Variants in TECR observed in about 807,000 individuals in gnomAD.
The protein encoded by TECR is very-long-chain enoyl-CoA reductase.
Under a neutral mutation model 50.6 loss-of-function variants are expected in TECR, and 19 were observed. That is an observed-to-expected ratio of 0.38 (90% CI 0.26 to 0.55). TECR has a LOEUF of 0.55. Among genes scored for constraint, TECR ranks in the 20% least tolerant of loss-of-function variants. The probability of loss-of-function intolerance (pLI) is 0.79; values close to 1 mark genes in which losing one functional copy is unlikely to be tolerated. For missense variants in TECR, 313 were observed against 408.3 expected, an observed-to-expected ratio of 0.77 and a Z score of 2.01; for synonymous variants, 168 against 163.5, an observed-to-expected ratio of 1.03 and a Z score of -0.21.
At chr19:14,543,677 A>T (rs537410550) in intron 1 of TECR, among the ~76,000 whole-genome samples, 11 of 148,664 alleles carry the variant, frequency 7.4e-5, no homozygotes, top group African/African-American at 2.7e-4. Context: ...TGACCTCGTG[A>T]TCCTCCCGCC....
At chr19:14,545,250 C>G in intron 1 of TECR, 3 of 455,656 alleles carry the variant, frequency 6.6e-6, no homozygotes, top group Non-Finnish European at 1.3e-5. Context: ...AAAATTTACT[C>G]TGTTCCAGCC....
chr19:14,555,056 C>T lies in TECR; in HGVS notation c.16-7469C>T, dbSNP rs376924177. ...CCTCCCAGAGTGCTGGGATTACAGG[C>T]GTGAGCCACTGCGCCTGGCCTTGTT... On this transcript the variant is annotated intron_variant, in intron 1 of 12. Transcript: ENST00000215567. 5.4e-4 allele frequency among the ~76,000 whole-genome samples: 81 copies of T among 151,302 alleles called. 2 individuals carry two copies. Among genetic ancestry groups the T allele is most frequent in the African/African-American group, 1.8e-3 (73 of 41,300 alleles).
At chr19:14,542,294 C>T (rs980383656) in intron 1 of TECR, among the ~76,000 whole-genome samples, 7 of 147,306 alleles carry the variant, frequency 4.8e-5, no homozygotes, top group Non-Finnish European at 9.0e-5. Context: ...TAAAAGATTC[C>T]CTATTGGAGG....
At chr19:14,544,225 C>T (rs1332051604) in intron 1 of TECR, among the ~76,000 whole-genome samples, 1 of 151,866 alleles carries the variant, frequency 6.6e-6, no homozygotes, top group Non-Finnish European at 1.5e-5. Context: ...CCACACTCAT[C>T]ACCTTGTCAC....
At position 14,545,486 on chromosome 19, in the gene TECR, C is replaced by T. The variant is rs576273182; in HGVS notation, c.15+15775C>T. On this transcript the variant is annotated intron_variant, in intron 1 of 12. Coordinates refer to ENST00000215567, the MANE Select transcript of TECR (RefSeq NM_138501.6). ...GTAATAGGTGCTTTGTTCATGTCCC[C>T]TTGAGCACCAGCAAGCCTAGGGGGT... 3.3e-5 allele frequency among the ~76,000 whole-genome samples: 5 copies of T among 152,324 alleles called. No individual in the cohort carries two copies. In the South Asian group the frequency reaches 8.3e-4, roughly 25 times the overall value.
intron 1 of TECR, among the ~76,000 whole-genome samples, chr19:14,556,072 C>T (rs558956746): frequency 4.2e-4 from 64 of 152,298 alleles, no homozygotes; most frequent in Admixed American, 3.2e-3. Flanking sequence ...TAAAAGCTAA[C>T]GTCCTCCCCG....
chr19:14,547,011 A>G (rs956806906), intron 1 of TECR, among the ~76,000 whole-genome samples: 2 of 152,206 alleles, frequency 1.3e-5, no homozygotes, highest in African/African-American at 4.8e-5. Context: ...TTAAATTTCA[A>G]TTTGATCAAC....
intron 1 of TECR, among the ~76,000 whole-genome samples, chr19:14,543,278 A>G (rs1228958274): frequency 1.8e-5 from 2 of 108,832 alleles, no homozygotes; most frequent in African/African-American, 3.5e-5. Context: ...GTGGGGTTGG[A>G]GGATTGCAGA....
Position 14,529,677 on chromosome 19 carries a change from A to G in TECR, c.-20A>G, listed in dbSNP as rs1031933221. 8.1e-6 allele frequency: 13 copies of G among 1,613,808 alleles called. No homozygotes were observed. Among genetic ancestry groups the G allele is most frequent in the Non-Finnish European group, 1.0e-5 (12 of 1,180,028 alleles). On this transcript the variant is annotated 5_prime_UTR_variant, in exon 1 of 13. Transcript: ENST00000215567. ...TAGGCAGCAGCAGCCGCGGAGCAGTAGCCGCCGTGGGAGGGAGCCATGAAG... is the reference window on the plus strand; with the variant it reads ...TAGGCAGCAGCAGCCGCGGAGCAGTGGCCGCCGTGGGAGGGAGCCATGAAG...
chr19:14,541,405 A>G (rs1260038774), intron 1 of TECR, among the ~76,000 whole-genome samples: 1 of 152,104 alleles, frequency 6.6e-6, no homozygotes, highest in Non-Finnish European at 1.5e-5. Context: ...CCGAGACAAC[A>G]CTGGGCACTC....
chr19:14,529,408 A>G (rs970514923), upstream of TECR: 1 of 585,288 alleles, frequency 1.7e-6, no homozygotes, highest in African/African-American at 1.9e-5. Flanking sequence ...CCTTCTCTTT[A>G]GCCCCTCCTA....
In TECR at chr19:14,564,815, G is replaced by T. The variant is rs1460674649; in HGVS notation, c.519G>T (p.Ala173=). 1 of 1,613,540 alleles carries T rather than the reference G, an allele frequency of 6.2e-7. No individual in the cohort carries two copies. The highest frequency in any genetic ancestry group is 1.3e-5 in the African/African-American group (1 of 74,784). The change falls in exon 8 of 13, where the codon GCG becomes GCT. Residue 173 remains alanine, a synonymous_variant. Transcript: ENST00000215567. ...KNCTYYWGFA[A]WMAYYINHPL... ...GCACCTACTACTGGGGCTTCGCCGCGTGGATGGCCTATTACATCAATCACC... is the reference window on the plus strand; with the variant it reads ...GCACCTACTACTGGGGCTTCGCCGCTTGGATGGCCTATTACATCAATCACC...
intron 1 of TECR, chr19:14,545,055 A>G (rs1241839707): frequency 6.6e-6 from 3 of 456,198 alleles, no homozygotes; most frequent in East Asian, 7.0e-5. Context: ...GTTGTTTCTA[A>G]GCCTCTCACC....
Position 14,529,816 on chromosome 19 carries a change from G to A in TECR, c.15+105G>A, listed in dbSNP as rs563538514. 1.1e-5 allele frequency: 17 copies of A among 1,543,394 alleles called. No individual in the cohort carries two copies. In the African/African-American group the frequency reaches 2.0e-4, roughly 19 times the overall value. On this transcript the variant is annotated intron_variant, in intron 1 of 12. Transcript: ENST00000215567. ...TTTCTGGTCCTGTGCCCCGAAGGAAGAGCCAGACGGCGCAGGCGCAGTGGG... is the reference window on the plus strand; with the variant it reads ...TTTCTGGTCCTGTGCCCCGAAGGAAAAGCCAGACGGCGCAGGCGCAGTGGG...
At chr19:14,556,979 C>T (rs1424220537) in intron 1 of TECR, among the ~76,000 whole-genome samples, 1 of 152,156 alleles carries the variant, frequency 6.6e-6, no homozygotes. Context: ...TGCACCAGCT[C>T]TCTGGCCCTG....
chr19:14,533,504 T>C (rs1399493419), intron 1 of TECR, among the ~76,000 whole-genome samples: 1 of 152,112 alleles, frequency 6.6e-6, no homozygotes, highest in African/African-American at 2.4e-5. Flanking sequence ...CACTGAAAGG[T>C]TGGCCCCTGG....
chr19:14,531,671 C>G (rs2072671463), intron 1 of TECR: 2 of 152,208 alleles, frequency 1.3e-5, no homozygotes, highest in African/African-American at 4.8e-5. Flanking sequence ...ATCCACCCAC[C>G]TTGGCCTCCC....
chr19:14,532,421 C>T (rs2072705659), intron 1 of TECR: 1 of 150,236 alleles, frequency 6.7e-6, no homozygotes, highest in African/African-American at 2.5e-5. Context: ...TGGCACACGC[C>T]TGTAATCTCA....
rs1485189969 is a variant in TECR at position 14,543,415 on chromosome 19, ATATATTTTTTTTTTTTTTTTTTTTT to A, written c.15+13706_15+13730del. Among the ~76,000 whole-genome samples, 25 of 9,484 alleles carry A rather than the reference ATATATTTTTTTTTTTTTTTTTTTTT, an allele frequency of 2.6e-3. No individual in the cohort carries two copies. In the South Asian group the frequency reaches 0.11, roughly 43 times the overall value. 6.2% of individuals were successfully genotyped at this position (9,484 alleles called of 152,430 possible). Reference sequence around the variant, plus strand: ...TATATATATATATATATATATATATATATATTTTTTTTTTTTTTTTTTTTTTTTTTTTTTTTTTTTTGAGACGGAG... The same window carrying A: ...TATATATATATATATATATATATATATTTTTTTTTTTTTTTTGAGACGGAG... On this transcript the variant is annotated intron_variant, in intron 1 of 12. Transcript: ENST00000215567.
Sources: allele counts gnomAD v4.1 joint callset (sites outside exome capture counted in the v4.1 genomes callset), GRCh38; gene constraint gnomAD v4.1.1; transcripts MANE v1.5; gene names NCBI Gene and HGNC (gene_info 2026-07-23, HGNC 2026-07-21).